The following IPO11 variants were observed in gnomAD, a reference collection of about 807,000 sequenced individuals.
IPO11 encodes the protein importin-11.
A neutral mutation model predicts 143.2 loss-of-function variants in IPO11; 66 were observed. The observed-to-expected ratio is 0.46, with a 90% CI of 0.38 to 0.57. The LOEUF is 0.57. Ranked by LOEUF, IPO11 falls within the 20% of genes least tolerant of loss-of-function variation. The pLI is 0.00. For synonymous variants in IPO11, 385 were observed against 377.8 expected, an observed-to-expected ratio of 1.02 and a Z score of -0.22; for missense variants, 1,026 against 1,141.0, an observed-to-expected ratio of 0.90 and a Z score of 1.45.
chr5:62,480,738 C>T (rs1239608295), intron 9 of IPO11, among the ~76,000 whole-genome samples: 1 of 151,800 alleles, frequency 6.6e-6, no homozygotes, highest in Non-Finnish European at 1.5e-5. Context: ...GGCTGTTTGT[C>T]TATTACTGAT....
At chr5:62,623,374 T>C (rs564085286) in intron 29 of IPO11, among the ~76,000 whole-genome samples, 1 of 152,332 alleles carries the variant, frequency 6.6e-6, no homozygotes, top group South Asian at 2.1e-4. Context: ...AATTCAAATT[T>C]AGCAATTATT....
chr5:62,611,742 T>G (rs990744242), intron 29 of IPO11, among the ~76,000 whole-genome samples: 2 of 152,182 alleles, frequency 1.3e-5, no homozygotes, highest in Non-Finnish European at 2.9e-5. Context: ...AAGAATGTGG[T>G]CTCATTTGGG....
chr5:62,551,898 G>A (rs373677989), intron 26 of IPO11, among the ~76,000 whole-genome samples: 43 of 152,240 alleles, frequency 2.8e-4, no homozygotes, highest in African/African-American at 1.0e-3. Flanking sequence ...GGCTGAGGTG[G>A]GTGGATCACG....
At chr5:62,585,552 T>C (rs758714824) in intron 27 of IPO11, among the ~76,000 whole-genome samples, 126 of 152,090 alleles carry the variant, frequency 8.3e-4, no homozygotes, top group Non-Finnish European at 1.4e-3. Flanking sequence ...AGGTCATATA[T>C]AGGGCTGAGT....
intron 4 of IPO11, 113 bp from the exon 5 acceptor site, chr5:62,451,617 C>T (rs78534373): frequency 1.2e-6 from 1 of 813,484 alleles, no homozygotes; most frequent in Non-Finnish European, 2.0e-6. Context: ...AGCAGTCATT[C>T]AGTGAAATCG....
chr5:62,570,146 A>G (rs1744087769), intron 27 of IPO11, among the ~76,000 whole-genome samples: 1 of 152,152 alleles, frequency 6.6e-6, no homozygotes, highest in South Asian at 2.1e-4. Context: ...GTACAATTGG[A>G]TGCTCACTCC....
At chr5:62,428,992 A>G (rs766343614) in intron 1 of IPO11, among the ~76,000 whole-genome samples, 22 of 152,142 alleles carry the variant, frequency 1.4e-4, no homozygotes, top group Non-Finnish European at 2.9e-4. Context: ...ACATTTACAT[A>G]ATCAAAGCAC....
At chr5:62,423,525 T>C (rs1229425999) in intron 1 of IPO11, among the ~76,000 whole-genome samples, 1 of 152,224 alleles carries the variant, frequency 6.6e-6, no homozygotes, top group Non-Finnish European at 1.5e-5. Flanking sequence ...CAGGAGGTGA[T>C]GTCTACCATG....
At chr5:62,483,040 A>T in intron 9 of IPO11, 61 bp from the exon 10 acceptor site, 1 of 1,040,628 alleles carries the variant, frequency 9.6e-7, no homozygotes, top group Non-Finnish European at 1.4e-6. Context: ...TGGAGTGATT[A>T]TATTCCAATA....
chr5:62,622,433 A>G (rs1353275380), intron 29 of IPO11, among the ~76,000 whole-genome samples: 2 of 152,196 alleles, frequency 1.3e-5, no homozygotes, highest in African/African-American at 2.4e-5. Flanking sequence ...ATGAAATTAT[A>G]TATGTGAATG....
intron 22 of IPO11, among the ~76,000 whole-genome samples, chr5:62,532,872 AC>A (rs1166095381): frequency 6.6e-6 from 1 of 152,150 alleles, no homozygotes; most frequent in Non-Finnish European, 1.5e-5. Flanking sequence ...TTGTTACTTT[AC>A]TGAATCAAGA....
At chr5:62,549,018 G>T (rs1743306038) in intron 24 of IPO11, among the ~76,000 whole-genome samples, 1 of 151,800 alleles carries the variant, frequency 6.6e-6, no homozygotes, top group Admixed American at 6.6e-5. Context: ...ATCTGCCTCT[G>T]TGACTCTCTC....
intron 29 of IPO11, among the ~76,000 whole-genome samples, chr5:62,603,594 GCAC>G (rs1745587307): frequency 6.6e-6 from 1 of 152,334 alleles, no homozygotes; most frequent in African/African-American, 2.4e-5. Context: ...CTGACAGGGT[GCAC>G]TTGCACACAC....
chr5:62,593,853 A>T (rs1467051379), intron 28 of IPO11, among the ~76,000 whole-genome samples: 1 of 152,198 alleles, frequency 6.6e-6, no homozygotes, highest in East Asian at 1.9e-4. Context: ...GTTAGACTAG[A>T]TCTCTATTAA....
At chr5:62,457,346 T>A (rs78789490) in intron 5 of IPO11, among the ~76,000 whole-genome samples, 2 of 151,758 alleles carry the variant, frequency 1.3e-5, no homozygotes, top group South Asian at 4.2e-4. Context: ...AAATTAGGCA[T>A]GGTGGTGTAT....
At chr5:62,448,635 C>T (rs986621772) in intron 3 of IPO11, among the ~76,000 whole-genome samples, 3 of 152,082 alleles carry the variant, frequency 2.0e-5, no homozygotes, top group African/African-American at 4.8e-5. Flanking sequence ...ACTGCAGCCT[C>T]GAACTGCTGG....
intron 16 of IPO11, among the ~76,000 whole-genome samples, chr5:62,496,587 C>T (rs1015905528): frequency 1.2e-4 from 18 of 152,140 alleles, no homozygotes; most frequent in Admixed American, 9.8e-4. Context: ...ATAAGTCATA[C>T]TGCTTTAATT....
At chr5:62,572,274 C>T (rs1744153326) in intron 27 of IPO11, among the ~76,000 whole-genome samples, 2 of 152,154 alleles carry the variant, frequency 1.3e-5, no homozygotes, top group South Asian at 2.1e-4. Flanking sequence ...CCACATATCT[C>T]GTTTTTATTT....
At chr5:62,485,522 G>T (rs1320395982) in intron 12 of IPO11, 60 bp downstream of exon 12, 3 of 1,263,642 alleles carry the variant, frequency 2.4e-6, no homozygotes, top group Non-Finnish European at 3.5e-6. Flanking sequence ...AAAGCTCTTA[G>T]TAGAGAATGA....
Sources: gnomAD v4.1 joint callset for allele counts (sites outside exome capture counted in the v4.1 genomes callset) on GRCh38, gnomAD v4.1.1 for gene constraint, MANE v1.5 for transcripts, NCBI Gene and HGNC (gene_info 2026-07-23, HGNC 2026-07-21) for gene names.